DLGAP2: variants seen among roughly 807,000 people sequenced by gnomAD.
DLGAP2 encodes DLG associated protein 2, also known as disks large-associated protein 2.
In DLGAP2, 26 loss-of-function variants were observed where a neutral mutation model predicts 100.3. The ratio of observed to expected loss-of-function variants is 0.26; its 90% CI spans 0.19 to 0.36. The LOEUF (loss-of-function observed/expected upper bound fraction) is 0.36, where lower values mean the gene tolerates loss of function less well. Ranked by LOEUF, DLGAP2 falls within the 10% of genes least tolerant of loss-of-function variation. The pLI, the probability that DLGAP2 is intolerant of heterozygous loss-of-function variation, is 1.00. For missense variants in DLGAP2, 1,858 were observed against 1,453.2 expected (o/e 1.28, Z -4.53); for synonymous variants, 886 against 630.1 (o/e 1.41, Z -6.08).
At chr8:861,509 A>G (rs1041210385) in intron 1 of DLGAP2, among the ~76,000 whole-genome samples, 5 of 152,196 alleles carry the variant, frequency 3.3e-5, no homozygotes, top group Admixed American at 6.5e-5. Context: ...CTCCTGTCGT[A>G]TTTCTTACTG....
intron 1 of DLGAP2, among the ~76,000 whole-genome samples, chr8:749,872 C>A (rs1820747550): frequency 6.6e-6 from 1 of 152,202 alleles, no homozygotes; most frequent in Non-Finnish European, 1.5e-5. Flanking sequence ...CCCCTCCTCT[C>A]CTGGCTTCTG....
chr8:897,901 A>G (rs1798175475), intron 1 of DLGAP2, among the ~76,000 whole-genome samples: 2 of 152,102 alleles, frequency 1.3e-5, no homozygotes, highest in East Asian at 3.9e-4. Context: ...CACATCCCAA[A>G]GCCCTGCACG....
At chr8:1,125,606 G>A (rs755400658) in intron 2 of DLGAP2, among the ~76,000 whole-genome samples, 1 of 152,180 alleles carries the variant, frequency 6.6e-6, no homozygotes, top group Admixed American at 6.5e-5. Flanking sequence ...CATTATGAAA[G>A]CCAGGTGATT....
intron 2 of DLGAP2, among the ~76,000 whole-genome samples, chr8:1,257,529 C>A (rs1237372869): frequency 6.6e-6 from 1 of 151,798 alleles, no homozygotes; most frequent in Non-Finnish European, 1.5e-5. Flanking sequence ...GCTCGCTCCC[C>A]AGATTACTAT....
chr8:977,097 A>C (rs569752256), intron 2 of DLGAP2, among the ~76,000 whole-genome samples: 2 of 152,342 alleles, frequency 1.3e-5, no homozygotes, highest in South Asian at 4.1e-4. Context: ...CAAAAATGGT[A>C]CTCAGCCAAG....
intron 1 of DLGAP2, among the ~76,000 whole-genome samples, chr8:841,753 A>C (rs905837259): frequency 2.6e-5 from 4 of 152,160 alleles, no homozygotes; most frequent in African/African-American, 7.2e-5. Flanking sequence ...GCAGCAGGTG[A>C]GTTTTTGAAG....
chr8:851,669 G>C (rs1392150671), intron 1 of DLGAP2, among the ~76,000 whole-genome samples: 3 of 152,190 alleles, frequency 2.0e-5, no homozygotes, highest in Non-Finnish European at 2.9e-5. Context: ...GAATTGCTCA[G>C]ATCAAGTGCC....
intron 4 of DLGAP2, among the ~76,000 whole-genome samples, chr8:1,506,334 T>A (rs1379197649): frequency 6.6e-6 from 1 of 152,194 alleles, no homozygotes; most frequent in Non-Finnish European, 1.5e-5. Flanking sequence ...GTGTATTACA[T>A]TGTAGGTTCT....
At chr8:1,253,205 C>T (rs1799089143) in intron 2 of DLGAP2, among the ~76,000 whole-genome samples, 1 of 152,226 alleles carries the variant, frequency 6.6e-6, no homozygotes, top group East Asian at 1.9e-4. Flanking sequence ...TGGCTTCGTC[C>T]TGAGGAGCTC....
At chr8:1,361,841 C>G (rs1317235532) in intron 3 of DLGAP2, among the ~76,000 whole-genome samples, 2 of 152,344 alleles carry the variant, frequency 1.3e-5, no homozygotes, top group East Asian at 3.9e-4. Context: ...GCGGCGTCTT[C>G]TAGTGCAGGC....
chr8:974,662 A>C (rs957248900), intron 2 of DLGAP2, among the ~76,000 whole-genome samples: 1 of 152,244 alleles, frequency 6.6e-6, no homozygotes, highest in Non-Finnish European at 1.5e-5. Context: ...TCGTCAAAGA[A>C]GAAGTCTCAA....
chr8:1,096,183 G>C (rs944008054), intron 2 of DLGAP2, among the ~76,000 whole-genome samples: 1 of 152,206 alleles, frequency 6.6e-6, no homozygotes, highest in Non-Finnish European at 1.5e-5. Context: ...CACCATGGCT[G>C]ACTTTCCATG....
At chr8:1,648,756 T>C (rs1354958895) in intron 8 of DLGAP2, among the ~76,000 whole-genome samples, 1 of 152,170 alleles carries the variant, frequency 6.6e-6, no homozygotes, top group Non-Finnish European at 1.5e-5. Flanking sequence ...GAGCCCCTGG[T>C]CCCCTCAGTC....
At chr8:943,667 A>G (rs1179245370) in intron 2 of DLGAP2, among the ~76,000 whole-genome samples, 1 of 151,644 alleles carries the variant, frequency 6.6e-6, no homozygotes, top group Non-Finnish European at 1.5e-5. Flanking sequence ...CACGGCAAGA[A>G]CCACTGTGTA....
Position 737,635 on chromosome 8 carries a change from C to G in DLGAP2, c.-173C>G. ...CGCAGGCGCCGGCCGTGAAGACCGACCGTGCGCCGGGCTCGAGCGCGGTCT... is the reference window on the plus strand; with the variant it reads ...CGCAGGCGCCGGCCGTGAAGACCGAGCGTGCGCCGGGCTCGAGCGCGGTCT... On this transcript the variant is annotated 5_prime_UTR_variant, in exon 1 of 15. Transcript: ENST00000637795. 2.9e-6 allele frequency: 1 copy of G among 346,064 alleles called. No individual in the cohort carries two copies. The highest frequency in any genetic ancestry group is 5.2e-6 in the Non-Finnish European group (1 of 192,502). 21.4% of individuals were successfully genotyped at this position (346,064 alleles called of 1,614,324 possible). A position where few individuals can be genotyped will look rare whatever the true frequency, so the allele number is the denominator to read the frequency against.
At chr8:939,975 G>T (rs968819822) in intron 2 of DLGAP2, among the ~76,000 whole-genome samples, 2 of 151,968 alleles carry the variant, frequency 1.3e-5, no homozygotes, top group Non-Finnish European at 2.9e-5. Flanking sequence ...CGCACACCAG[G>T]CCCCCAACTG....
intron 2 of DLGAP2, among the ~76,000 whole-genome samples, chr8:1,110,609 T>C (rs1224008537): frequency 6.6e-6 from 1 of 152,012 alleles, no homozygotes; most frequent in Admixed American, 6.6e-5. Context: ...ATCTGGCATG[T>C]GAGAGATCCA....
chr8:826,773 G>A (rs752146288), intron 1 of DLGAP2, among the ~76,000 whole-genome samples: 1 of 152,132 alleles, frequency 6.6e-6, no homozygotes, highest in Non-Finnish European at 1.5e-5. Context: ...GGTGGCCTAC[G>A]TGTTCCTGTG....
At chr8:832,405 G>A (rs1015333890) in intron 1 of DLGAP2, among the ~76,000 whole-genome samples, 1 of 152,218 alleles carries the variant, frequency 6.6e-6, no homozygotes, top group Non-Finnish European at 1.5e-5. Context: ...GTGTAAGGAA[G>A]TGATCCAGTT....
Sources: allele counts gnomAD v4.1 joint callset (sites outside exome capture counted in the v4.1 genomes callset), GRCh38; gene constraint gnomAD v4.1.1; transcripts MANE v1.5; gene names NCBI Gene and HGNC (gene_info 2026-07-23, HGNC 2026-07-21).